Variants in CPQ observed in about 807,000 individuals in gnomAD.
CPQ encodes the protein carboxypeptidase Q.
In CPQ, 37 loss-of-function variants were observed where a neutral mutation model predicts 45.7. The observed-to-expected ratio is 0.81, with a 90% CI of 0.62 to 1.07. CPQ has a LOEUF of 1.07. CPQ is among the 50% of genes least tolerant of loss of function. The pLI is 0.00. For synonymous variants in CPQ, 186 were observed against 205.8 expected (o/e 0.90, Z 0.82); for missense variants, 537 against 572.9 (o/e 0.94, Z 0.64).
intron 7 of CPQ, among the ~76,000 whole-genome samples, chr8:97,074,792 G>A (rs1762085686): frequency 6.6e-6 from 1 of 151,862 alleles, no homozygotes; most frequent in Non-Finnish European, 1.5e-5. Context: ...ATGGACAGAA[G>A]AGGGTAGAGA....
chr8:96,895,846 T>A (rs1586442030), intron 4 of CPQ, among the ~76,000 whole-genome samples: 1 of 152,184 alleles, frequency 6.6e-6, no homozygotes, highest in Admixed American at 6.6e-5. Context: ...GTCATGTGAA[T>A]TTTTAGCAGC....
intron 3 of CPQ, among the ~76,000 whole-genome samples, chr8:96,852,717 AT>A: frequency 6.6e-6 from 1 of 152,262 alleles, no homozygotes. Flanking sequence ...GAGAATAGCA[AT>A]TTGGATGACA....
chr8:96,867,693 C>T (rs1355626400), intron 3 of CPQ, among the ~76,000 whole-genome samples: 5 of 151,870 alleles, frequency 3.3e-5, no homozygotes, highest in Non-Finnish European at 1.5e-5. Flanking sequence ...TGCATAAATA[C>T]AAAATTGAGG....
In CPQ at chr8:96,742,365, G is replaced by A. The variant is rs187850361; in HGVS notation, c.-34-42499G>A. On this transcript the variant is annotated intron_variant, in intron 1 of 7. Transcript: ENST00000220763. ...CCATCCTTTTATTTTGAGCCTATGT[G>A]TGTCTCTGTCCATGAGATGGGTTTC... 3.5e-3 allele frequency among the ~76,000 whole-genome samples: 535 copies of A among 152,268 alleles called. 3 individuals carry two copies. The highest frequency in any genetic ancestry group is 0.01 in the African/African-American group (432 of 41,534).
At position 96,988,582 on chromosome 8, in the gene CPQ, C is replaced by G. The variant is rs538079808; in HGVS notation, c.961+22536C>G. ...GACAAAACATTGCTTGTTGACCTCG[C>G]AAACTTAGAAAGATTTATCTCCTGT... is the stretch of plus-strand genomic sequence containing the variant. On this transcript the variant is annotated intron_variant, in intron 5 of 7. Transcript: ENST00000220763. 5.6e-4 allele frequency among the ~76,000 whole-genome samples: 86 copies of G among 152,288 alleles called. 1 individual carries two copies. The highest frequency in any genetic ancestry group is 7.5e-4 in the Non-Finnish European group (51 of 68,020).
At chr8:96,651,189 A>T (rs1478876386) in intron 1 of CPQ, among the ~76,000 whole-genome samples, 1 of 152,342 alleles carries the variant, frequency 6.6e-6, no homozygotes. Context: ...CCTAACAGGT[A>T]TGCCATTGGA....
chr8:96,692,940 T>C (rs943373743), intron 1 of CPQ, among the ~76,000 whole-genome samples: 3 of 151,952 alleles, frequency 2.0e-5, no homozygotes, highest in Non-Finnish European at 4.4e-5. Flanking sequence ...TCAAAGAAAT[T>C]CATTGATAAG....
intron 1 of CPQ, among the ~76,000 whole-genome samples, chr8:96,739,877 G>C (rs1810056761): frequency 6.6e-6 from 1 of 152,074 alleles, no homozygotes; most frequent in African/African-American, 2.4e-5. Flanking sequence ...TAGTAGTATA[G>C]TTTGAAGTCA....
intron 5 of CPQ, among the ~76,000 whole-genome samples, chr8:96,992,101 C>G (rs1586483929): frequency 6.6e-6 from 1 of 152,206 alleles, no homozygotes; most frequent in East Asian, 1.9e-4. Flanking sequence ...GTGACCTTCT[C>G]TGCTTATCAT....
chr8:96,871,434 A>T (rs1812065398), intron 3 of CPQ, among the ~76,000 whole-genome samples: 1 of 151,644 alleles, frequency 6.6e-6, no homozygotes, highest in Non-Finnish European at 1.5e-5. Flanking sequence ...TTCAGTAGAT[A>T]TCTTTCTAAT....
At chr8:96,786,955 T>C (rs1437814227) in intron 2 of CPQ, among the ~76,000 whole-genome samples, 1 of 152,146 alleles carries the variant, frequency 6.6e-6, no homozygotes, top group Admixed American at 6.6e-5. Context: ...TTACTAATGT[T>C]CTCTCCCATT....
chr8:97,074,670 C>G (rs1015834523), intron 7 of CPQ, among the ~76,000 whole-genome samples: 1 of 152,090 alleles, frequency 6.6e-6, no homozygotes, highest in Non-Finnish European at 1.5e-5. Context: ...ACCCGGGAGG[C>G]TGAGGCAGGA....
rs554447557 is a variant in CPQ, at chr8:96,820,156, A to C, written c.434-14817A>C. ...TGCCACTGCAAGCTTCATTTTCAAC[A>C]TTGTCTTGTCCCTTCTTAAAATGAG... On this transcript the variant is annotated intron_variant, in intron 2 of 7. Transcript: ENST00000220763. 6.6e-5 allele frequency among the ~76,000 whole-genome samples: 10 copies of C among 152,018 alleles called. No individual in the cohort carries two copies. The South Asian group carries it at 2.1e-3, about 32-fold the overall frequency.
chr8:97,128,004 T>C (rs1811875656), intron 7 of CPQ, among the ~76,000 whole-genome samples: 1 of 152,234 alleles, frequency 6.6e-6, no homozygotes, highest in Admixed American at 6.5e-5. Context: ...CTGTGTCTTA[T>C]TGCTGTAGTA....
At chr8:97,111,464 A>AC (rs1269251003) in intron 7 of CPQ, among the ~76,000 whole-genome samples, 1 of 152,142 alleles carries the variant, frequency 6.6e-6, no homozygotes, top group African/African-American at 2.4e-5. Context: ...TGACAAGTGT[A>AC]CCCCAGATGT....
chr8:96,878,476 T>C (rs946764788), intron 3 of CPQ, among the ~76,000 whole-genome samples: 7 of 152,220 alleles, frequency 4.6e-5, no homozygotes, highest in African/African-American at 1.7e-4. Flanking sequence ...GGTATTATTA[T>C]CACTTCCATT....
At chr8:96,989,704 T>C (rs180722551) in intron 5 of CPQ, among the ~76,000 whole-genome samples, 2 of 152,244 alleles carry the variant, frequency 1.3e-5, no homozygotes, top group Admixed American at 1.3e-4. Context: ...CATATTCCTA[T>C]TTGTTCTTTT....
chr8:96,672,197 T>C (rs968499712), intron 1 of CPQ, among the ~76,000 whole-genome samples: 1 of 152,160 alleles, frequency 6.6e-6, no homozygotes, highest in African/African-American at 2.4e-5. Context: ...AGTTAATAAA[T>C]ACTTTGTTCC....
At chr8:96,840,792 G>A (rs929874689) in intron 3 of CPQ, among the ~76,000 whole-genome samples, 1 of 152,106 alleles carries the variant, frequency 6.6e-6, no homozygotes, top group African/African-American at 2.4e-5. Flanking sequence ...AAGGAGTAGG[G>A]GTCCAAGTTG....
Sources: allele counts gnomAD v4.1 joint callset (sites outside exome capture counted in the v4.1 genomes callset), GRCh38; gene constraint gnomAD v4.1.1; transcripts MANE v1.5; gene names NCBI Gene and HGNC (gene_info 2026-07-23, HGNC 2026-07-21).